The following ATXN8OS variants were observed in gnomAD, a reference collection of about 807,000 sequenced individuals.
ATXN8OS encodes the protein ATXN8 opposite strand (non-protein coding).
intron 3 of ATXN8OS, among the ~76,000 whole-genome samples, chr13:70,136,348 A>G (rs1010204565): frequency 1.3e-5 from 2 of 152,184 alleles, no homozygotes; most frequent in Admixed American, 6.5e-5. Context: ...ATACAAGAAC[A>G]GTCTTCCAAG....
At chr13:70,117,054 T>C (rs540844779) in intron 2 of ATXN8OS, among the ~76,000 whole-genome samples, 3 of 152,094 alleles carry the variant, frequency 2.0e-5, no homozygotes, top group Admixed American at 6.6e-5. Context: ...AATTTATATT[T>C]TACCCTGATT....
intron 1 of ATXN8OS, among the ~76,000 whole-genome samples, chr13:70,108,848 C>T (rs1297204069): frequency 6.6e-6 from 1 of 152,180 alleles, no homozygotes; most frequent in Non-Finnish European, 1.5e-5. Context: ...GAAACGGATG[C>T]TGGCGTCAAA....
At chr13:70,167,546 A>T (rs1397384117) in intron 4 of ATXN8OS, among the ~76,000 whole-genome samples, 2 of 151,836 alleles carry the variant, frequency 1.3e-5, no homozygotes, top group African/African-American at 2.4e-5. Flanking sequence ...GCATTAGGAG[A>T]TATACCTAAT....
exon 5 of ATXN8OS, among the ~76,000 whole-genome samples, chr13:70,170,260 C>T (rs1566623956): frequency 6.6e-6 from 1 of 152,072 alleles, no homozygotes; most frequent in Non-Finnish European, 1.5e-5. Context: ...GAATTCGTAA[C>T]ATATGAATGA....
chr13:70,162,756 T>C (rs1415398693), intron 4 of ATXN8OS, among the ~76,000 whole-genome samples: 3 of 152,176 alleles, frequency 2.0e-5, no homozygotes, highest in Non-Finnish European at 4.4e-5. Context: ...AAAATCTTTT[T>C]CTACCACTTA....
rs188199413 is a variant in ATXN8OS at position 70,169,713 on chromosome 13, T to C, written n.574-40T>C. ...ATAAAGATATCATCTGTTGAATGCA[T>C]ACTCCTGTGGCTCTCACTAAAACTT... On this transcript the variant is annotated intron_variant and non_coding_transcript_variant, in intron 4 of 4. Coordinates refer to ENST00000678624, the Ensembl canonical transcript of ATXN8OS. Among the ~76,000 whole-genome samples, 8 of 152,256 alleles carry C rather than the reference T, an allele frequency of 5.3e-5. No individual in the cohort carries two copies. The East Asian group carries it at 1.5e-3, about 29-fold the overall frequency.
chr13:70,112,399 T>C (rs529842047), intron 1 of ATXN8OS, among the ~76,000 whole-genome samples: 2 of 152,254 alleles, frequency 1.3e-5, no homozygotes, highest in East Asian at 3.9e-4. Context: ...TAAAAATTGT[T>C]TTGCAGTGAC....
intron 4 of ATXN8OS, among the ~76,000 whole-genome samples, chr13:70,165,455 CTT>C (rs930183499): frequency 2.0e-5 from 3 of 151,806 alleles, no homozygotes; most frequent in African/African-American, 7.2e-5. Flanking sequence ...TTTTAAAAAA[CTT>C]ATTGAATACT....
intron 1 of ATXN8OS, among the ~76,000 whole-genome samples, chr13:70,111,009 T>C (rs1222265834): frequency 2.0e-5 from 3 of 152,234 alleles, no homozygotes; most frequent in Non-Finnish European, 4.4e-5. Context: ...TTGAATTAAA[T>C]TGAACTGTCA....
intron 3 of ATXN8OS, among the ~76,000 whole-genome samples, chr13:70,145,866 T>C (rs1888777819): frequency 6.6e-6 from 1 of 151,054 alleles, no homozygotes; most frequent in African/African-American, 2.4e-5. Flanking sequence ...GGACTTCATG[T>C]CTAAAACACC....
chr13:70,113,501 T>C (rs1037996913), intron 1 of ATXN8OS, among the ~76,000 whole-genome samples: 29 of 152,144 alleles, frequency 1.9e-4, no homozygotes, highest in Non-Finnish European at 2.6e-4. Flanking sequence ...ATTTTGTATA[T>C]TGCACTGAAA....
intron 4 of ATXN8OS, among the ~76,000 whole-genome samples, chr13:70,165,595 A>G (rs975966667): frequency 6.6e-6 from 1 of 152,050 alleles, no homozygotes; most frequent in East Asian, 1.9e-4. Context: ...GTGAATAATT[A>G]TCTGCGTATC....
intron 3 of ATXN8OS, among the ~76,000 whole-genome samples, chr13:70,136,355 C>T (rs1013777663): frequency 6.6e-6 from 1 of 152,092 alleles, no homozygotes; most frequent in Non-Finnish European, 1.5e-5. Flanking sequence ...AACAGTCTTC[C>T]AAGATCCAAA....
chr13:70,131,406 T>C (rs1160148098), intron 3 of ATXN8OS: 2 of 398,404 alleles, frequency 5.0e-6, no homozygotes, highest in Non-Finnish European at 8.8e-6. Flanking sequence ...GACACGTATC[T>C]GTCTCAGTTT....
intron 3 of ATXN8OS, chr13:70,139,360 C>T: frequency 1.7e-6 from 1 of 585,228 alleles, no homozygotes; most frequent in East Asian, 3.1e-5. Flanking sequence ...TTTACTACTA[C>T]TACTACTACT....
intron 1 of ATXN8OS, among the ~76,000 whole-genome samples, chr13:70,110,914 A>G (rs1028891956): frequency 6.6e-6 from 1 of 152,190 alleles, no homozygotes; most frequent in African/African-American, 2.4e-5. Context: ...GCAAGAAGAC[A>G]TTGACATAAT....
At chr13:70,149,861 AC>A (rs1212400174) in intron 4 of ATXN8OS, among the ~76,000 whole-genome samples, 4 of 152,098 alleles carry the variant, frequency 2.6e-5, no homozygotes, top group Admixed American at 2.6e-4. Context: ...ACAAACAAAA[AC>A]TTTTTTTTCC....
At chr13:70,132,372 G>A (rs1017806652) in intron 3 of ATXN8OS, among the ~76,000 whole-genome samples, 10 of 148,742 alleles carry the variant, frequency 6.7e-5, no homozygotes, top group African/African-American at 2.5e-4. Context: ...GTGAAATAAT[G>A]CAGGAACAGA....
intron 3 of ATXN8OS, chr13:70,131,088 T>A (rs1212803870): frequency 2.5e-6 from 1 of 398,410 alleles, no homozygotes; most frequent in Non-Finnish European, 4.4e-6. Context: ...CTTATCCACA[T>A]TCTTCCCTGC....
Sources: allele counts gnomAD v4.1 joint callset (sites outside exome capture counted in the v4.1 genomes callset), GRCh38; gene constraint gnomAD v4.1.1; transcripts MANE v1.5; gene names NCBI Gene and HGNC (gene_info 2026-07-23, HGNC 2026-07-21).